MCF2: variants seen among roughly 807,000 people sequenced by gnomAD.
The protein encoded by MCF2 is MCF.2 cell line derived transforming sequence, also known as proto-oncogene DBL.
In MCF2, 44 loss-of-function variants were observed where a neutral mutation model predicts 82.5. The ratio of observed to expected loss-of-function variants is 0.53; its 90% CI spans 0.42 to 0.69. The LOEUF (loss-of-function observed/expected upper bound fraction) is 0.69, where lower values mean the gene tolerates loss of function less well. Ranked by LOEUF, MCF2 falls within the 30% of genes least tolerant of loss-of-function variation. MCF2 has a pLI of 0.00. For missense variants in MCF2, 623 were observed against 663.1 expected, an observed-to-expected ratio of 0.94 and a Z score of 0.66; for synonymous variants, 217 against 224.9, an observed-to-expected ratio of 0.96 and a Z score of 0.32.
At chrX:139,664,073 C>A (rs1398125261) in intron 1 of MCF2, among the ~76,000 whole-genome samples, 1 of 109,874 alleles carries the variant, frequency 9.1e-6, no homozygotes, top group Non-Finnish European at 1.9e-5. Context: ...GGTGCGATTT[C>A]GGCTCACTGC....
intron 2 of MCF2, 88 bp downstream of exon 5, chrX:139,632,247 A>G: frequency 1.4e-6 from 1 of 711,984 alleles, no homozygotes; most frequent in African/African-American, 2.2e-5. Flanking sequence ...CTTTTAAATG[A>G]CACATGGGCA....
intron 1 of MCF2, among the ~76,000 whole-genome samples, chrX:139,702,572 T>C (rs901433612): frequency 3.5e-5 from 4 of 112,823 alleles, no homozygotes; most frequent in African/African-American, 1.3e-4. Flanking sequence ...CACTGAAAGA[T>C]TCAAATCATT....
chrX:139,598,745 T>C (rs1436569420), intron 16 of MCF2, among the ~76,000 whole-genome samples: 5 of 111,814 alleles, frequency 4.5e-5, no homozygotes, highest in Non-Finnish European at 1.9e-5. Context: ...AGTTTTCAAA[T>C]ATAAATTCAT....
At chrX:139,590,557 T>C (rs1016458942) in intron 19 of MCF2, among the ~76,000 whole-genome samples, 1 of 32,006 alleles carries the variant, frequency 3.1e-5, no homozygotes, top group Admixed American at 2.7e-4. Context: ...CTCTTCCTTA[T>C]TCCTTACCAC....
intron 6 of MCF2, among the ~76,000 whole-genome samples, chrX:139,620,307 AT>A (rs1932257444): frequency 9.0e-6 from 1 of 111,210 alleles, no homozygotes; most frequent in Non-Finnish European, 1.9e-5. Flanking sequence ...AAAGTGATTT[AT>A]TTAAATGTTG....
At chrX:139,697,835 T>C (rs1935412619) in intron 1 of MCF2, among the ~76,000 whole-genome samples, 1 of 112,600 alleles carries the variant, frequency 8.9e-6, no homozygotes, top group Admixed American at 9.4e-5. Context: ...TTAAAAGAAG[T>C]AGCCCCTTTA....
intron 18 of MCF2, 134 bp downstream of exon 22, chrX:139,597,326 C>T: frequency 2.0e-6 from 1 of 502,032 alleles, no homozygotes; most frequent in Non-Finnish European, 3.5e-6. Flanking sequence ...TTAGCATTAT[C>T]AGTAGTAACA....
intron 1 of MCF2, among the ~76,000 whole-genome samples, chrX:139,656,046 TTTTG>T (rs1556061439): frequency 8.9e-6 from 1 of 112,096 alleles, no homozygotes; most frequent in Non-Finnish European, 1.9e-5. Flanking sequence ...TGCTGTTTTT[TTTTG>T]TTTGTTTGTT....
chrX:139,635,590 G>A (rs1933157283), intron 1 of MCF2, among the ~76,000 whole-genome samples: 1 of 110,854 alleles, frequency 9.0e-6, no homozygotes, highest in African/African-American at 3.3e-5. Flanking sequence ...CCAGGAGGTG[G>A]AGGCTGTGGT....
At chrX:139,645,914 G>A (rs1033386400), upstream of MCF2, among the ~76,000 whole-genome samples, 1 of 111,310 alleles carries the variant, frequency 9.0e-6, no homozygotes, top group Non-Finnish European at 1.9e-5. Context: ...AATGAAGATA[G>A]GTCACTAAAA....
At chrX:139,680,312 T>A (rs1159840179) in intron 1 of MCF2, among the ~76,000 whole-genome samples, 2 of 111,714 alleles carry the variant, frequency 1.8e-5, no homozygotes, top group Non-Finnish European at 3.8e-5. Context: ...TTTAAAAAAT[T>A]TTTTGTAGTC....
chrX:139,632,346 G>A, exon 2 of MCF2: 1 of 1,191,632 alleles, frequency 8.4e-7, no homozygotes, highest in Non-Finnish European at 1.1e-6. Context: ...GGTAATTTAA[G>A]CATAAAATCC....
chrX:139,605,001 C>T lies in MCF2; in HGVS notation c.1558-17G>A. Reference sequence around the variant, plus strand: ...TCTATAACCCTACCCAAAATAAATACATTCATGCATTTTAAAATAATTACA... The same window carrying T: ...TCTATAACCCTACCCAAAATAAATATATTCATGCATTTTAAAATAATTACA... On this transcript the variant is annotated splice_polypyrimidine_tract_variant and intron_variant, in intron 13 of 24. Transcript: ENST00000370576. 1 of 912,101 alleles carries T rather than the reference C, an allele frequency of 1.1e-6. No individual in the cohort carries two copies. The allele number at this position is 912,101 out of a possible 1,213,427, so 75.2% of individuals were successfully genotyped here. A position where few individuals can be genotyped will look rare whatever the true frequency, so the allele number is the denominator to read the frequency against.
intron 1 of MCF2, among the ~76,000 whole-genome samples, chrX:139,701,500 G>T (rs1178151373): frequency 1.8e-5 from 2 of 112,164 alleles, no homozygotes; most frequent in East Asian, 5.6e-4. Context: ...CCCTGAAGGA[G>T]AAGAAATTCT....
chrX:139,608,822 C>T (rs757588033), intron 11 of MCF2, among the ~76,000 whole-genome samples: 5 of 111,715 alleles, frequency 4.5e-5, no homozygotes, highest in Admixed American at 3.8e-4. Flanking sequence ...AAAACTGAGG[C>T]TCAGACAGAT....
exon 6 of MCF2, chrX:139,626,212 A>G (rs1932757105): frequency 8.4e-7 from 1 of 1,188,169 alleles, no homozygotes; most frequent in Non-Finnish European, 1.1e-6. Flanking sequence ...ATCCTGCTCA[A>G]ACTTCCATAG....
intron 1 of MCF2, among the ~76,000 whole-genome samples, chrX:139,695,257 T>TCAAA (rs1190156102): frequency 2.7e-5 from 3 of 111,154 alleles, no homozygotes; most frequent in African/African-American, 9.8e-5. Flanking sequence ...CTCAAACTCC[T>TCAAA]GACCTAAGGT....
chrX:139,595,850 C>G (rs1465979585), intron 19 of MCF2, among the ~76,000 whole-genome samples: 1 of 111,568 alleles, frequency 9.0e-6, no homozygotes, highest in Non-Finnish European at 1.9e-5. Flanking sequence ...AGTTCTTCTT[C>G]TCTATTGGAG....
chrX:139,696,334 T>TC (rs574985497), intron 1 of MCF2, among the ~76,000 whole-genome samples: 266 of 85,160 alleles, frequency 3.1e-3, no homozygotes, highest in African/African-American at 0.012. Context: ...TCCTTCCTTC[T>TC]TTCTCTTCTC....
Sources: gnomAD v4.1 joint callset for allele counts (sites outside exome capture counted in the v4.1 genomes callset) on GRCh38, gnomAD v4.1.1 for gene constraint, MANE v1.5 for transcripts, NCBI Gene and HGNC (gene_info 2026-07-23, HGNC 2026-07-21) for gene names.